Variants in SULF2 observed in about 807,000 individuals in gnomAD.
SULF2 encodes extracellular sulfatase Sulf-2.
SULF2 carries 52 observed loss-of-function variants against 107.7 expected under a neutral mutation model. That is an observed-to-expected ratio of 0.48 (90% CI 0.39 to 0.61). SULF2 has a LOEUF of 0.61. Ranked by LOEUF, SULF2 falls within the 20% of genes least tolerant of loss-of-function variation. The pLI, the probability that SULF2 is intolerant of heterozygous loss-of-function variation, is 0.00. For synonymous variants in SULF2, 460 were observed against 464.3 expected (o/e 0.99, Z 0.12); for missense variants, 993 against 1,177.3 (o/e 0.84, Z 2.29).
intron 3 of SULF2, among the ~76,000 whole-genome samples, chr20:47,719,942 T>C (rs1365190841): frequency 1.3e-5 from 2 of 152,148 alleles, no homozygotes; most frequent in Non-Finnish European, 2.9e-5. Context: ...ATCATTATCA[T>C]TATTATCTTT....
At chr20:47,682,731 G>A (rs1602633127) in intron 7 of SULF2, among the ~76,000 whole-genome samples, 1 of 152,142 alleles carries the variant, frequency 6.6e-6, no homozygotes, top group Non-Finnish European at 1.5e-5. Context: ...GCATGTGCGC[G>A]CACACACGTA....
intron 6 of SULF2, 130 bp downstream of exon 6, chr20:47,684,301 A>T: frequency 2.0e-6 from 2 of 989,918 alleles, no homozygotes; most frequent in Non-Finnish European, 2.9e-6. Context: ...GGTCTAGCAC[A>T]TGGGGCCTCT....
intron 13 of SULF2, among the ~76,000 whole-genome samples, chr20:47,665,619 G>C (rs2087238382): frequency 2.0e-5 from 3 of 152,234 alleles, no homozygotes; most frequent in Admixed American, 6.5e-5. Flanking sequence ...TAGACTTCTT[G>C]TAAGTCAAAA....
At chr20:47,784,454 G>T (rs1568940413) in intron 1 of SULF2, among the ~76,000 whole-genome samples, 1 of 152,066 alleles carries the variant, frequency 6.6e-6, no homozygotes, top group Non-Finnish European at 1.5e-5. Context: ...TTCCTACTGT[G>T]TGCTGGGCCT....
intron 7 of SULF2, among the ~76,000 whole-genome samples, chr20:47,681,735 G>T (rs897400876): frequency 3.9e-5 from 6 of 152,198 alleles, no homozygotes; most frequent in African/African-American, 1.4e-4. Context: ...TCGCCCAGAC[G>T]AGTGCAGTGG....
chr20:47,715,733 C>T (rs2089097182), intron 3 of SULF2, among the ~76,000 whole-genome samples: 1 of 152,128 alleles, frequency 6.6e-6, no homozygotes, highest in South Asian at 2.1e-4. Context: ...AGGTGTTCGC[C>T]ACCATGCCTG....
chr20:47,663,495 T>G lies in SULF2; in HGVS notation c.2185A>C (p.Thr729Pro), dbSNP rs747633769. ...GTCTGCCAGTGCTGGTTGTCGTGGG[T>G]GAAGCACGTGAGGCCTGGCATGCTG... is the stretch of plus-strand genomic sequence containing the variant. ...TCSMPGLTCF[T>P]HDNQHWQTAP... The change falls in exon 16 of 21, where the codon ACC becomes CCC. Residue 729 changes from threonine (T) to proline (P), a missense_variant. Thr to Pro is a conservative substitution (Grantham distance 38, BLOSUM62 -1). This residue lies in a region of SULF2 where 497 missense variants were observed against 544.1 expected (regional missense o/e 0.91). Transcript: ENST00000688720. 6.2e-7 allele frequency: 1 copy of G among 1,611,668 alleles called. No individual in the cohort carries two copies. The highest frequency in any genetic ancestry group is 1.1e-5 in the South Asian group (1 of 91,086).
chr20:47,661,928 G>GT (rs759150708), intron 17 of SULF2, 32 bp from the exon 18 acceptor site: 18 of 1,521,602 alleles, frequency 1.2e-5, no homozygotes, highest in African/African-American at 1.4e-5. Flanking sequence ...TGTCAACAAG[G>GT]TAAGTACAGG....
intron 3 of SULF2, among the ~76,000 whole-genome samples, chr20:47,717,768 C>T (rs1390919248): frequency 1.3e-5 from 2 of 151,368 alleles, no homozygotes; most frequent in Non-Finnish European, 2.9e-5. Flanking sequence ...GAGCCATAGT[C>T]GTTATCCAGA....
chr20:47,747,968 G>T (rs1488978650), intron 2 of SULF2, among the ~76,000 whole-genome samples: 1 of 152,094 alleles, frequency 6.6e-6, no homozygotes, highest in Non-Finnish European at 1.5e-5. Flanking sequence ...CTCCCACCTG[G>T]ACTGCTGCAA....
intron 7 of SULF2, among the ~76,000 whole-genome samples, chr20:47,679,804 C>T (rs569933545): frequency 2.6e-5 from 4 of 152,276 alleles, no homozygotes; most frequent in African/African-American, 9.6e-5. Context: ...GAGTTTGTGG[C>T]AGTTTGTTCT....
At chr20:47,660,222 A>G (rs534260939) in intron 18 of SULF2, among the ~76,000 whole-genome samples, 1 of 152,352 alleles carries the variant, frequency 6.6e-6, no homozygotes, top group Admixed American at 6.5e-5. Context: ...CTTATCAGCT[A>G]ACACATGTAA....
upstream of SULF2, chr20:47,786,055 ACT>A (rs1004914774): frequency 4.0e-5 from 6 of 151,498 alleles, no homozygotes; most frequent in African/African-American, 4.9e-5. Context: ...CACTCGACAC[ACT>A]CTCGCTCCTG....
At chr20:47,758,048 C>T (rs899909905) in intron 1 of SULF2, among the ~76,000 whole-genome samples, 7 of 152,042 alleles carry the variant, frequency 4.6e-5, no homozygotes, top group South Asian at 2.1e-4. Context: ...TTTGGAACCT[C>T]GGTTTCCCCA....
At chr20:47,722,853 G>A (rs575122645) in intron 3 of SULF2, among the ~76,000 whole-genome samples, 33 of 152,136 alleles carry the variant, frequency 2.2e-4, no homozygotes, top group African/African-American at 7.5e-4. Flanking sequence ...ATCACTTGAG[G>A]TCAGGAGTTC....
At chr20:47,759,206 C>T (rs968696495) in intron 1 of SULF2, among the ~76,000 whole-genome samples, 18 of 152,270 alleles carry the variant, frequency 1.2e-4, no homozygotes, top group Middle Eastern at 3.4e-3. Context: ...GCTCACCTGC[C>T]GCACCTTCCC....
chr20:47,672,379 C>T lies in SULF2; in HGVS notation c.1395G>A (p.Val465=), dbSNP rs766627709. 2 of 1,609,280 alleles carry T rather than the reference C, an allele frequency of 1.2e-6. No homozygotes were observed. Among genetic ancestry groups the T allele is most frequent in the Non-Finnish European group, 1.7e-6 (2 of 1,178,142 alleles). ...CEQLGQKWQC[V]EDATGKLKLH... is the part of the protein sequence containing the mutation. Reference sequence around the variant, plus strand: ...GCTTCAGCTTCCCCGTGGCGTCCTCCACACACTGCCACTTCTGAAAGACAT... The same window carrying T: ...GCTTCAGCTTCCCCGTGGCGTCCTCTACACACTGCCACTTCTGAAAGACAT... Residue 465 remains valine (V), a synonymous_variant, in exon 11 of 21, where the codon GTG becomes GTA. Coordinates refer to ENST00000688720, the MANE Select transcript of SULF2 (RefSeq NM_001387048.1).
Position 47,757,353 on chromosome 20 carries a change from G to C in SULF2, c.11C>G (p.Pro4Arg), listed in dbSNP as rs368388121. 4 of 1,589,584 alleles carry C rather than the reference G, an allele frequency of 2.5e-6. No individual in the cohort carries two copies. Among genetic ancestry groups the C allele is most frequent in the Non-Finnish European group, 1.7e-6 (2 of 1,165,172 alleles). ...GGACAGCAAGCACAGCACGAGGCTC[G>C]GGGGGCCCATCTTCTTTTTTTGCTG... Reference protein sequence around the residue: MGPPSLVLCLLSAT... With the variant: MGPRSLVLCLLSAT... Residue 4 changes from proline (P) to arginine (R), a missense_variant, in exon 2 of 21, where the codon CCG becomes CGG. Coordinates refer to ENST00000688720, the MANE Select transcript of SULF2 (RefSeq NM_001387048.1).
Position 47,663,964 on chromosome 20 carries a change from C to T in SULF2, c.2057+166G>A, listed in dbSNP as rs16992735. Among the ~76,000 whole-genome samples, 696 of 152,300 alleles carry T rather than the reference C, an allele frequency of 4.6e-3. 3 individuals carry two copies. The highest frequency in any genetic ancestry group is 0.016 in the African/African-American group (663 of 41,550). On this transcript the variant is annotated intron_variant, in intron 15 of 20. Transcript: ENST00000688720. Reference sequence around the variant, plus strand: ...TTTAGCCACAAGGGGGCGTCGGAGGCCCGCTCAGTGTTGATTGGGAAGTAA... The same window carrying T: ...TTTAGCCACAAGGGGGCGTCGGAGGTCCGCTCAGTGTTGATTGGGAAGTAA...
Sources: allele counts gnomAD v4.1 joint callset (sites outside exome capture counted in the v4.1 genomes callset), GRCh38; gene constraint gnomAD v4.1.1; regional missense constraint gnomAD v4.1.1; transcripts MANE v1.5; gene names NCBI Gene and HGNC (gene_info 2026-07-23, HGNC 2026-07-21).